The following SVIL variants were observed in gnomAD, a reference collection of about 807,000 sequenced individuals.
SVIL encodes archvillin.
In SVIL, 101 loss-of-function variants were observed where a neutral mutation model predicts 240.4. The observed-to-expected ratio is 0.42, with a 90% CI of 0.36 to 0.50. SVIL has a LOEUF of 0.50. Among genes scored for constraint, SVIL ranks in the 20% least tolerant of loss-of-function variants. The pLI is 0.01. For synonymous variants in SVIL, 999 were observed against 1,100.0 expected (o/e 0.91, Z 1.82); for missense variants, 2,512 against 2,818.7 (o/e 0.89, Z 2.46).
chr10:29,651,970 A>G (rs1311612072), intron 3 of SVIL, among the ~76,000 whole-genome samples: 1 of 152,092 alleles, frequency 6.6e-6, no homozygotes, highest in Admixed American at 6.6e-5. Flanking sequence ...CTCATCTATC[A>G]TGAAGTGCTG....
intron 2 of SVIL, among the ~76,000 whole-genome samples, chr10:29,564,626 C>T (rs1463876660): frequency 1.3e-5 from 2 of 151,926 alleles, no homozygotes; most frequent in Non-Finnish European, 2.9e-5. Context: ...ACCTCTACCC[C>T]CTGTAAAAAC....
intron 1 of SVIL, among the ~76,000 whole-genome samples, chr10:29,727,050 G>A (rs919820274): frequency 2.0e-5 from 3 of 152,300 alleles, no homozygotes; most frequent in East Asian, 3.9e-4. Flanking sequence ...CACACACCAC[G>A]TGGTTATCAA....
chr10:29,598,743 G>T (rs1454034813), intron 1 of SVIL, among the ~76,000 whole-genome samples: 1 of 152,200 alleles, frequency 6.6e-6, no homozygotes, highest in Non-Finnish European at 1.5e-5. Context: ...GCATCAAAGG[G>T]CCTCCATTCC....
chr10:29,551,347 A>G (rs1032739743), intron 5 of SVIL, 84 bp from the exon 6 acceptor site: 1 of 1,337,394 alleles, frequency 7.5e-7, no homozygotes, highest in African/African-American at 1.5e-5. Context: ...TACTGCACAC[A>G]GCACACACCT....
chr10:29,671,459 G>C (rs762134925), intron 2 of SVIL, among the ~76,000 whole-genome samples: 1 of 152,118 alleles, frequency 6.6e-6, no homozygotes. Context: ...TTCCTTACTC[G>C]AATCTCTGAA....
At chr10:29,471,114 A>G (rs1231027026) in intron 31 of SVIL, 24 bp downstream of exon 31, 1 of 1,600,906 alleles carries the variant, frequency 6.2e-7, no homozygotes, top group East Asian at 2.3e-5. Flanking sequence ...GCAAAGTCGA[A>G]TTCCAGCAGT....
Position 29,517,131 on chromosome 10 carries a change from G to T in SVIL, c.3390-4270C>A, listed in dbSNP as rs116768237. Among the ~76,000 whole-genome samples the T allele has an allele frequency of 4.8e-3, 734 of 152,248 alleles. 5 individuals carry two copies. The highest frequency in any genetic ancestry group is 0.017 in the African/African-American group (687 of 41,548). On this transcript the variant is annotated intron_variant, in intron 16 of 37. Transcript: ENST00000355867. ...ACAAATCACACTTTGGAAAAGGAGG[G>T]CCAGGCGTGGTGGCTCACACCTGTA...
At position 29,554,408 on chromosome 10, in the gene SVIL, G is replaced by A. The variant is rs368166622; in HGVS notation, c.160+375C>T. 4.6e-5 allele frequency among the ~76,000 whole-genome samples: 7 copies of A among 152,262 alleles called. No homozygotes were observed. In the East Asian group the frequency reaches 9.7e-4, roughly 21 times the overall value. On this transcript the variant is annotated intron_variant, in intron 5 of 37. Transcript: ENST00000355867. ...CGCTTGTATTTTCAGCACTTTGGAA[G>A]GCCAAGGTGGGAGGATCACTAAAAG... is the stretch of plus-strand genomic sequence containing the variant.
chr10:29,523,595 G>A lies in SVIL; in HGVS notation c.3019C>T (p.Pro1007Ser). 1 of 1,614,170 alleles carries A rather than the reference G, an allele frequency of 6.2e-7. No individual in the cohort carries two copies. The change falls in exon 15 of 38, where the codon CCC (proline) becomes TCC (serine). Residue 1007 changes from proline to serine, a missense_variant. Pro to Ser is a moderately conservative substitution (Grantham distance 74). Around this residue, in one of 3 missense-constraint regions of SVIL, gnomAD observed 1,443 missense variants for 1,486.6 expected, o/e 0.97. Transcript: ENST00000355867. ...GGTTCATCCCCGAGGTGGGTGATGG[G>A]AGGGTTCGCCCGTTCCAGGCTTCCT... is the stretch of plus-strand genomic sequence containing the variant. ...RRGSLERANP[P>S]ITHLGDEPKE...
chr10:29,468,627 T>TATATATATACATATATATATACATGTAC lies in SVIL; in HGVS notation c.5844-780_5844-753dup, dbSNP rs1198711525. Among the ~76,000 whole-genome samples the TATATATATACATATATATATACATGTAC allele has an allele frequency of 1.2e-3, 170 of 147,548 alleles. No individual in the cohort carries two copies. The East Asian group carries it at 0.018, about 16-fold the overall frequency. On this transcript the variant is annotated intron_variant, in intron 32 of 37. Coordinates refer to ENST00000355867, the MANE Select transcript of SVIL (RefSeq NM_021738.3). The stretch of plus-strand genomic sequence containing the variant: ...TGGGTATATACTAATAGTAGGTGTA[T>TATATATATACATATATATATACATGTAC]ATATATATACATATATATATACATG...
intron 12 of SVIL, among the ~76,000 whole-genome samples, chr10:29,527,811 C>T (rs1263990944): frequency 6.7e-6 from 1 of 150,230 alleles, no homozygotes; most frequent in Non-Finnish European, 1.5e-5. Flanking sequence ...CTGCAGCCTC[C>T]ACCTCCTGGG....
chr10:29,502,825 T>G (rs796123631), intron 17 of SVIL, among the ~76,000 whole-genome samples: 1 of 152,298 alleles, frequency 6.6e-6, no homozygotes, highest in African/African-American at 2.4e-5. Flanking sequence ...TTAGGTTGCC[T>G]GATGTTGCTG....
intron 16 of SVIL, among the ~76,000 whole-genome samples, chr10:29,519,356 GC>G (rs1325296661): frequency 6.6e-6 from 1 of 152,136 alleles, no homozygotes; most frequent in African/African-American, 2.4e-5. Context: ...GGCCCTGGAG[GC>G]TACCGGAGCC....
At chr10:29,576,493 G>T (rs1955701819) in intron 1 of SVIL, among the ~76,000 whole-genome samples, 1 of 152,058 alleles carries the variant, frequency 6.6e-6, no homozygotes, top group Non-Finnish European at 1.5e-5. Flanking sequence ...AAAGACTATG[G>T]CATTATGGCG....
At chr10:29,477,436 C>T (rs1425736138) in intron 29 of SVIL, among the ~76,000 whole-genome samples, 1 of 152,212 alleles carries the variant, frequency 6.6e-6, no homozygotes, top group Non-Finnish European at 1.5e-5. Flanking sequence ...CAACCCTACC[C>T]TGCAGGCACT....
chr10:29,503,994 A>G (rs1036535700), intron 17 of SVIL, among the ~76,000 whole-genome samples: 4 of 152,256 alleles, frequency 2.6e-5, no homozygotes, highest in African/African-American at 7.2e-5. Flanking sequence ...TTGATGAAAG[A>G]ACAGTCAAAT....
At chr10:29,527,913 G>C (rs1951052066) in intron 12 of SVIL, among the ~76,000 whole-genome samples, 1 of 151,440 alleles carries the variant, frequency 6.6e-6, no homozygotes, top group African/African-American at 2.4e-5. Context: ...TTTTTTAGTA[G>C]GGACGGGGTT....
At chr10:29,671,703 C>A (rs1465271632) in intron 2 of SVIL, among the ~76,000 whole-genome samples, 1 of 152,182 alleles carries the variant, frequency 6.6e-6, no homozygotes, top group Non-Finnish European at 1.5e-5. Context: ...TACCTTATTT[C>A]TTTCCAATGG....
At chr10:29,678,491 C>T (rs1032169284) in intron 2 of SVIL, among the ~76,000 whole-genome samples, 1 of 152,170 alleles carries the variant, frequency 6.6e-6, no homozygotes, top group African/African-American at 2.4e-5. Flanking sequence ...TGAAGTTTCA[C>T]TCGTTCACCT....
Sources: gnomAD v4.1 joint callset for allele counts (sites outside exome capture counted in the v4.1 genomes callset) on GRCh38, gnomAD v4.1.1 for gene constraint, gnomAD v4.1.1 regional missense constraint, MANE v1.5 for transcripts, NCBI Gene and HGNC (gene_info 2026-07-23, HGNC 2026-07-21) for gene names.